The following FDPS variants were observed in gnomAD, a reference collection of about 807,000 sequenced individuals.
FDPS encodes the protein farnesyl diphosphate synthase, also known as farnesyl pyrophosphate synthase.
Under a neutral mutation model 49.5 loss-of-function variants are expected in FDPS, and 29 were observed. The observed-to-expected ratio is 0.59, with a 90% CI of 0.44 to 0.80. FDPS has a LOEUF of 0.80. Among genes scored for constraint, FDPS ranks in the 30% least tolerant of loss-of-function variants. The pLI is 0.00. For synonymous variants in FDPS, 172 were observed against 206.4 expected, an observed-to-expected ratio of 0.83 and a Z score of 1.43; for missense variants, 414 against 525.6, an observed-to-expected ratio of 0.79 and a Z score of 2.08.
chr1:155,311,898 G>A (rs10458626), intron 3 of FDPS, among the ~76,000 whole-genome samples: 7,736 of 152,020 alleles, frequency 0.051, 793 homozygotes, highest in East Asian at 0.44. Flanking sequence ...TCATGAACCC[G>A]GAGACAGAGG....
chr1:155,310,285 G>A, intron 3 of FDPS, 80 bp downstream of exon 3: 1 of 1,393,072 alleles, frequency 7.2e-7, no homozygotes, highest in Non-Finnish European at 1.0e-6. Flanking sequence ...GTGGCTTATG[G>A]GGGACTTTTG....
In FDPS at chr1:155,318,071, G is replaced by A. The variant is rs372604047; in HGVS notation, c.561+50G>A. On this transcript the variant is annotated intron_variant, in intron 5 of 10. Transcript: ENST00000368356. The surrounding 1 kb of genome is among the most constrained non-coding windows in gnomAD (Gnocchi z 4.2). ...TGGGTATGGGGACAGGCCACAGGGA[G>A]GTGGTTATATATGGCCTGGTTGAGG... 38 of 1,610,270 alleles carry A rather than the reference G, an allele frequency of 2.4e-5. No homozygotes were observed. Among genetic ancestry groups the A allele is most frequent in the Non-Finnish European group, 3.1e-5 (37 of 1,176,724 alleles).
chr1:155,319,765 CTT>C (rs1650058896), intron 9 of FDPS, 27 bp from the exon 10 acceptor site: 1 of 1,613,990 alleles, frequency 6.2e-7, no homozygotes, highest in African/African-American at 1.3e-5. Context: ...CATCCTTCCT[CTT>C]TTGCTGCCCT....
At chr1:155,320,347 G>A in intron 10 of FDPS, 62 bp from the exon 11 acceptor site, 2 of 1,358,554 alleles carry the variant, frequency 1.5e-6, no homozygotes. Flanking sequence ...GAGGGGAGTG[G>A]AGGGGTCCTG....
chr1:155,315,390 C>T (rs1025581007), intron 4 of FDPS, among the ~76,000 whole-genome samples: 4 of 151,546 alleles, frequency 2.6e-5, no homozygotes, highest in Non-Finnish European at 5.9e-5. Context: ...ACTGAAAATA[C>T]AAAATTAGGC....
Position 155,318,166 on chromosome 1 carries a change from C to G in FDPS, c.562-3C>G. On this transcript the variant is annotated splice_region_variant and splice_polypyrimidine_tract_variant and intron_variant, in intron 5 of 10. Coordinates refer to ENST00000368356, the MANE Select transcript of FDPS (RefSeq NM_002004.4). This position sits in a 1 kb window ranked among gnomAD's most constrained non-coding sequence, Gnocchi z 4.2. ...TTGCTTGTTTTTCTGTCTGTCATGA[C>G]AGCCGGGCGTGGGTTTGGATGCCAT... 6.2e-7 allele frequency: 1 copy of G among 1,614,112 alleles called. No individual in the cohort carries two copies. Among genetic ancestry groups the G allele is most frequent in the South Asian group, 1.1e-5 (1 of 91,078 alleles).
At chr1:155,312,701 C>A in intron 4 of FDPS, 1 of 244,746 alleles carries the variant, frequency 4.1e-6, no homozygotes, top group Non-Finnish European at 8.1e-6. Context: ...ACAGAGGAGG[C>A]CGGGCATGGT....
Position 155,309,420 on chromosome 1 carries a change from C to T in FDPS, c.-1-369C>T, listed in dbSNP as rs77481240. On this transcript the variant is annotated intron_variant, in intron 1 of 10. Coordinates refer to ENST00000368356, the MANE Select transcript of FDPS (RefSeq NM_002004.4). Reference sequence around the variant, plus strand: ...GATTTGGCTCTGCCTCTACTATCTTCCTACCTCCTAGAGCCTCAGTTTGGC... The same window carrying T: ...GATTTGGCTCTGCCTCTACTATCTTTCTACCTCCTAGAGCCTCAGTTTGGC... 7.3e-3 allele frequency: 1,271 copies of T among 172,960 alleles called. 22 individuals are homozygous for T. Among genetic ancestry groups the T allele is most frequent in the African/African-American group, 0.029 (1,210 of 42,248 alleles). The allele number at this position is 172,960 out of a possible 1,614,324, so 10.7% of individuals were successfully genotyped here. A position where few individuals can be genotyped will look rare whatever the true frequency, so the allele number is the denominator to read the frequency against.
chr1:155,320,340 G>T, intron 10 of FDPS, 69 bp from the exon 11 acceptor site: 1 of 1,253,966 alleles, frequency 8.0e-7, no homozygotes. Flanking sequence ...TGTGAATGAG[G>T]GGAGTGGAGG....
chr1:155,309,848 G>A lies in FDPS; in HGVS notation c.59G>A (p.Trp20Ter), dbSNP rs1359597447. ...GTCTTCCTGCTGCCAGCCCCCTACTGGGCACCCCGGGAGAGGTGGCTGGGT... is the reference window on the plus strand; with the variant it reads ...GTCTTCCTGCTGCCAGCCCCCTACTAGGCACCCCGGGAGAGGTGGCTGGGT... Reference protein sequence around the residue: ...VGVFLLPAPYWAPRERWLGSL... With the variant: ...VGVFLLPAPY Residue 20 changes from tryptophan to a stop codon, truncating the protein, a stop_gained, in exon 2 of 11, where the codon TGG (tryptophan) becomes TAG (stop). Coordinates refer to ENST00000368356, the MANE Select transcript of FDPS (RefSeq NM_002004.4). LOFTEE classifies it high-confidence loss of function. 6.3e-7 allele frequency: 1 copy of A among 1,583,244 alleles called. No homozygotes were observed. Among genetic ancestry groups the A allele is most frequent in the Admixed American group, 1.8e-5 (1 of 55,900 alleles).
chr1:155,319,781 C>T lies in FDPS; in HGVS notation c.925-13C>T. 6.2e-7 allele frequency: 1 copy of T among 1,614,134 alleles called. No homozygotes were observed. The highest frequency in any genetic ancestry group is 8.5e-7 in the Non-Finnish European group (1 of 1,180,000). ...ATCCTTCCTCTTTTGCTGCCCTCCCCCTCCCTGCCCAGGATGATTACCTTG... is the reference window on the plus strand; with the variant it reads ...ATCCTTCCTCTTTTGCTGCCCTCCCTCTCCCTGCCCAGGATGATTACCTTG... On this transcript the variant is annotated splice_polypyrimidine_tract_variant and intron_variant, in intron 9 of 10. Coordinates refer to ENST00000368356, the MANE Select transcript of FDPS (RefSeq NM_002004.4).
At position 155,309,900 on chromosome 1, in the gene FDPS, C is replaced by T. The variant is rs1648607456; in HGVS notation, c.111C>T (p.His37=). Residue 37 remains histidine, a synonymous_variant, in exon 2 of 11, where the codon CAC becomes CAT. Coordinates refer to ENST00000368356, the MANE Select transcript of FDPS (RefSeq NM_002004.4). ...CCCTACGGCGGCCCTCCCTGGTGCA[C>T]GGGTACCCAGTCCTGGCCTGGCACA... ...LGSLRRPSLV[H]GYPVLAWHSA... 2.5e-6 allele frequency: 4 copies of T among 1,597,314 alleles called. No homozygotes were observed. The highest frequency in any genetic ancestry group is 1.7e-5 in the Admixed American group (1 of 57,692).
chr1:155,312,410 G>A lies in FDPS; in HGVS notation c.480+15G>A, dbSNP rs774705644. The A allele has an allele frequency of 6.2e-7, 1 of 1,610,906 alleles. No homozygotes were observed. Among genetic ancestry groups the A allele is most frequent in the Non-Finnish European group, 8.5e-7 (1 of 1,177,658 alleles). On this transcript the variant is annotated intron_variant, in intron 4 of 10. Transcript: ENST00000368356. ...GTGTGGAACTGGTGAGAGGGGTAGGGCAAGGGAGAAGAAGTTTCCTGCAAT... is the reference window on the plus strand; with the variant it reads ...GTGTGGAACTGGTGAGAGGGGTAGGACAAGGGAGAAGAAGTTTCCTGCAAT...
chr1:155,309,684 C>G, intron 1 of FDPS, 105 bp from the exon 2 acceptor site: 1 of 1,059,404 alleles, frequency 9.4e-7, no homozygotes, highest in South Asian at 1.9e-5. Flanking sequence ...GCACTCTGGG[C>G]TAAGGCTGGG....
chr1:155,312,294 G>A lies in FDPS; in HGVS notation c.379G>A (p.Gly127Ser). 6.2e-7 allele frequency: 1 copy of A among 1,614,148 alleles called. No individual in the cohort carries two copies. Among genetic ancestry groups the A allele is most frequent in the Non-Finnish European group, 8.5e-7 (1 of 1,180,022 alleles). Residue 127 changes from glycine to serine, a missense_variant, in exon 4 of 11, where the codon GGT (glycine) becomes AGT (serine). Gly to Ser is a moderately conservative substitution (Grantham distance 56). Coordinates refer to ENST00000368356, the MANE Select transcript of FDPS (RefSeq NM_002004.4). ...TGCCATTGGAGGCAAGTATAACCGGGGTTTGACGGTGGTAGTAGCATTCCG... is the reference window on the plus strand; with the variant it reads ...TGCCATTGGAGGCAAGTATAACCGGAGTTTGACGGTGGTAGTAGCATTCCG... ...YNAIGGKYNR[G>S]LTVVVAFREL...
intron 4 of FDPS, among the ~76,000 whole-genome samples, chr1:155,315,522 A>G (rs1017635582): frequency 2.6e-5 from 4 of 152,144 alleles, no homozygotes; most frequent in Non-Finnish European, 5.9e-5. Context: ...TACTAAGAAT[A>G]CAAAAAAAAT....
rs369099003 is a variant in FDPS, at chr1:155,309,952, A to C, written c.163A>C (p.Thr55Pro). The change falls in exon 2 of 11, where the codon ACA becomes CCA. Residue 55 changes from threonine (T) to proline (P), a missense_variant. Thr to Pro is a conservative substitution (Grantham distance 38). Transcript: ENST00000368356. ...TGCCCGCTGCTGGTGCCAAGCGTGGACAGAGGAACCTCGGTGAGTGTGGTT... is the reference window on the plus strand; with the variant it reads ...TGCCCGCTGCTGGTGCCAAGCGTGGCCAGAGGAACCTCGGTGAGTGTGGTT... ...HSARCWCQAW[T>P]EEPRALCSSL... 6 of 1,607,152 alleles carry C rather than the reference A, an allele frequency of 3.7e-6. No individual in the cohort carries two copies. The highest frequency in any genetic ancestry group is 2.2e-5 in the South Asian group (2 of 90,840).
chr1:155,316,781 A>T (rs1649477922), intron 4 of FDPS: 1 of 148,444 alleles, frequency 6.7e-6, no homozygotes, highest in Non-Finnish European at 1.5e-5. Context: ...ATAGAGTGAG[A>T]CTCTATCTCA....
At position 155,320,552 on chromosome 1, in the gene FDPS, C is replaced by T; in HGVS notation, c.1203C>T (p.Pro401=). 1 of 1,614,188 alleles carries T rather than the reference C, an allele frequency of 6.2e-7. No homozygotes were observed. The highest frequency in any genetic ancestry group is 8.5e-7 in the Non-Finnish European group (1 of 1,180,034). The part of the protein sequence containing the change: ...IMALIEQYAA[P]LPPAVFLGLA... ...CTCTCATTGAACAGTACGCAGCACC[C>T]CTGCCCCCAGCCGTCTTTCTGGGGC... is the stretch of plus-strand genomic sequence containing the variant. Residue 401 remains proline (P), a synonymous_variant, in exon 11 of 11, where the codon CCC becomes CCT. Transcript: ENST00000368356.
Sources: allele counts gnomAD v4.1 joint callset (sites outside exome capture counted in the v4.1 genomes callset), GRCh38; gene constraint gnomAD v4.1.1; non-coding constraint Gnocchi (gnomAD v3.1); transcripts MANE v1.5; gene names NCBI Gene and HGNC (gene_info 2026-07-23, HGNC 2026-07-21).